Variants in CNTNAP2 observed in about 807,000 individuals in gnomAD.
The protein encoded by CNTNAP2 is contactin-associated protein-like 2.
Under a neutral mutation model 155.2 loss-of-function variants are expected in CNTNAP2, and 98 were observed. The ratio of observed to expected loss-of-function variants is 0.63; its 90% CI spans 0.54 to 0.75. The LOEUF (loss-of-function observed/expected upper bound fraction) is 0.75, where lower values mean the gene tolerates loss of function less well. Ranked by LOEUF, CNTNAP2 falls within the 30% of genes least tolerant of loss-of-function variation. The pLI is 0.00. For missense variants in CNTNAP2, 1,727 were observed against 1,688.1 expected, an observed-to-expected ratio of 1.02 and a Z score of -0.40; for synonymous variants, 651 against 631.2, an observed-to-expected ratio of 1.03 and a Z score of -0.47.
At chr7:148,399,308 A>G (rs1193531349) in intron 22 of CNTNAP2, among the ~76,000 whole-genome samples, 1 of 151,436 alleles carries the variant, frequency 6.6e-6, no homozygotes, top group Non-Finnish European at 1.5e-5. Flanking sequence ...ACGGTACAGT[A>G]TTTTTAAAAA....
intron 15 of CNTNAP2, among the ~76,000 whole-genome samples, chr7:148,069,363 T>C (rs1021711554): frequency 1.3e-5 from 2 of 152,202 alleles, no homozygotes; most frequent in Admixed American, 6.5e-5. Flanking sequence ...TAATTAATAC[T>C]CTGAGTGGAG....
chr7:146,817,235 A>T (rs1279559787), intron 2 of CNTNAP2, among the ~76,000 whole-genome samples: 1 of 151,944 alleles, frequency 6.6e-6, no homozygotes, highest in East Asian at 1.9e-4. Flanking sequence ...ACTTTGGGAG[A>T]CTGAGGCAGG....
chr7:147,574,448 C>T (rs1422401012), intron 12 of CNTNAP2, among the ~76,000 whole-genome samples: 5 of 152,070 alleles, frequency 3.3e-5, no homozygotes, highest in Non-Finnish European at 5.9e-5. Flanking sequence ...ACTCCCATTG[C>T]CCTGATGTCC....
chr7:146,921,605 G>A lies in CNTNAP2; in HGVS notation c.402+81701G>A, dbSNP rs373916149. 2.2e-4 allele frequency among the ~76,000 whole-genome samples: 34 copies of A among 152,186 alleles called. 1 individual carries two copies. In the East Asian group the frequency reaches 4.3e-3, roughly 19 times the overall value. ...TTTTACATGACATGAGAGCTTGTGC[G>A]GGGGAATTCCCATTTATTAAATAAT... On this transcript the variant is annotated intron_variant, in intron 3 of 23. Transcript: ENST00000361727.
At chr7:146,959,269 C>T (rs557754835) in intron 3 of CNTNAP2, among the ~76,000 whole-genome samples, 3 of 152,160 alleles carry the variant, frequency 2.0e-5, no homozygotes, top group South Asian at 4.2e-4. Flanking sequence ...CTGTCCGCCT[C>T]GGCCTCCCAA....
intron 3 of CNTNAP2, among the ~76,000 whole-genome samples, chr7:146,940,807 A>ATG (rs1231271642): frequency 4.9e-4 from 73 of 148,150 alleles, no homozygotes; most frequent in South Asian, 3.4e-3. Context: ...TGTTATATAT[A>ATG]TGTGTGTGTG....
chr7:147,233,065 G>A (rs1241171137), intron 8 of CNTNAP2, among the ~76,000 whole-genome samples: 3 of 152,110 alleles, frequency 2.0e-5, no homozygotes, highest in Non-Finnish European at 2.9e-5. Context: ...AAATCAAAAC[G>A]AAGGTTTATA....
intron 4 of CNTNAP2, among the ~76,000 whole-genome samples, chr7:147,047,269 C>T (rs1046295087): frequency 7.9e-5 from 10 of 127,180 alleles, no homozygotes; most frequent in South Asian, 5.6e-4. Flanking sequence ...CCACCACGCC[C>T]GGCTAATTTT....
rs370450725 is a variant in CNTNAP2 at position 148,409,479 on chromosome 7, A to G, written c.3796+8A>G. 1 of 1,612,582 alleles carries G rather than the reference A, an allele frequency of 6.2e-7. No individual in the cohort carries two copies. The highest frequency in any genetic ancestry group is 8.5e-7 in the Non-Finnish European group (1 of 1,178,606). On this transcript the variant is annotated splice_region_variant and intron_variant, in intron 23 of 23. Coordinates refer to ENST00000361727, the MANE Select transcript of CNTNAP2 (RefSeq NM_014141.6). The stretch of plus-strand genomic sequence containing the variant: ...ACTCGGCTATCATTGGAGGTAGGTG[A>G]TGTCTAGAGGAGGCTTATATGGGGC...
chr7:146,358,688 A>C (rs1795039492), intron 1 of CNTNAP2, among the ~76,000 whole-genome samples: 1 of 152,180 alleles, frequency 6.6e-6, no homozygotes, highest in Non-Finnish European at 1.5e-5. Context: ...CAGTTTGAAG[A>C]GTGGTCTTTT....
chr7:146,492,340 C>T (rs2129131455), intron 1 of CNTNAP2, among the ~76,000 whole-genome samples: 1 of 152,170 alleles, frequency 6.6e-6, no homozygotes, highest in African/African-American at 2.4e-5. Context: ...ATTCACTTGG[C>T]AAATACTGTG....
At chr7:146,636,204 G>A (rs1799596863) in intron 1 of CNTNAP2, among the ~76,000 whole-genome samples, 1 of 151,872 alleles carries the variant, frequency 6.6e-6, no homozygotes, top group Admixed American at 6.6e-5. Flanking sequence ...AGGGGGGCGG[G>A]GGGTGATGGG....
rs531953431 is a variant in CNTNAP2, at chr7:146,212,162, G to A, written c.97+95189G>A. ...TAAAAATACATCCAGATCGCAGAGT[G>A]TATTCAACTAATAGTGTGTGAAACA... On this transcript the variant is annotated intron_variant, in intron 1 of 23. Transcript: ENST00000361727. 5.3e-5 allele frequency among the ~76,000 whole-genome samples: 8 copies of A among 152,276 alleles called. No homozygotes were observed. In the South Asian group the frequency reaches 1.7e-3, roughly 32 times the overall value.
rs540120460 is a variant in CNTNAP2, at chr7:147,646,027, A to G, written c.2098+6721A>G. On this transcript the variant is annotated intron_variant, in intron 13 of 23. Coordinates refer to ENST00000361727, the MANE Select transcript of CNTNAP2 (RefSeq NM_014141.6). Reference sequence around the variant, plus strand: ...GGGAAGTTCTGGCTGTTCCATGGATACTGGAGTGGAGGAAGCAGAGGTGGT... The same window carrying G: ...GGGAAGTTCTGGCTGTTCCATGGATGCTGGAGTGGAGGAAGCAGAGGTGGT... Among the ~76,000 whole-genome samples, 6 of 152,312 alleles carry G rather than the reference A, an allele frequency of 3.9e-5. No homozygotes were observed. The South Asian group carries it at 1.2e-3, about 32-fold the overall frequency.
At chr7:147,471,916 G>A (rs539294287) in intron 10 of CNTNAP2, among the ~76,000 whole-genome samples, 10 of 152,296 alleles carry the variant, frequency 6.6e-5, no homozygotes, top group South Asian at 2.1e-4. Flanking sequence ...GAGGAGAAAC[G>A]TTTGGGAAAT....
chr7:148,372,534 C>A (rs988583063), intron 21 of CNTNAP2, among the ~76,000 whole-genome samples: 1 of 151,958 alleles, frequency 6.6e-6, no homozygotes, highest in Admixed American at 6.6e-5. Context: ...ATGGTGAAAC[C>A]CCGTCTCTAC....
intron 1 of CNTNAP2, among the ~76,000 whole-genome samples, chr7:146,314,380 T>A (rs1800875444): frequency 6.6e-6 from 1 of 152,084 alleles, no homozygotes; most frequent in Non-Finnish European, 1.5e-5. Context: ...TCCCTAGGAA[T>A]GTGGCTGGAG....
At chr7:148,063,623 G>A (rs1052372238) in intron 15 of CNTNAP2, among the ~76,000 whole-genome samples, 3 of 150,964 alleles carry the variant, frequency 2.0e-5, no homozygotes, top group African/African-American at 7.3e-5. Context: ...TGGGGAACAG[G>A]TAGTGTTTAG....
At chr7:146,759,773 A>G (rs1802059797) in intron 1 of CNTNAP2, among the ~76,000 whole-genome samples, 1 of 151,206 alleles carries the variant, frequency 6.6e-6, no homozygotes, top group Admixed American at 6.6e-5. Flanking sequence ...ATGGATGGGC[A>G]TTAGTGCATA....
Sources: allele counts gnomAD v4.1 joint callset (sites outside exome capture counted in the v4.1 genomes callset), GRCh38; gene constraint gnomAD v4.1.1; transcripts MANE v1.5; gene names NCBI Gene and HGNC (gene_info 2026-07-23, HGNC 2026-07-21).